Variants in PCNX1 observed in about 807,000 individuals in gnomAD.
The protein encoded by PCNX1 is pecanex 1.
PCNX1 carries 78 observed loss-of-function variants against 242.2 expected under a neutral mutation model. The ratio of observed to expected loss-of-function variants is 0.32; its 90% CI spans 0.27 to 0.39. PCNX1 has a LOEUF of 0.39. Among genes scored for constraint, PCNX1 ranks in the 10% least tolerant of loss-of-function variants. PCNX1 has a pLI of 1.00. For missense variants in PCNX1, 2,581 were observed against 2,856.5 expected (o/e 0.90, Z 2.20); for synonymous variants, 1,024 against 1,032.9 (o/e 0.99, Z 0.17).
Position 71,026,185 on chromosome 14 carries a change from C to G in PCNX1, c.3252C>G (p.Leu1084=). The G allele has an allele frequency of 6.8e-6, 11 of 1,611,288 alleles. No individual in the cohort carries two copies. The highest frequency in any genetic ancestry group is 9.3e-6 in the Non-Finnish European group (11 of 1,178,088). ...GCATATGTTGCGGTCTTATTTGGCT[C>G]TTGGATTATGGTAGCAGAAACCTGA... is the stretch of plus-strand genomic sequence containing the variant. ...YFCICCGLIW[L]LDYGSRNLTA... The change falls in exon 14 of 36, where the codon CTC becomes CTG. Residue 1084 remains leucine, a synonymous_variant. Transcript: ENST00000304743.
At chr14:70,926,769 T>C (rs550724399) in intron 1 of PCNX1, among the ~76,000 whole-genome samples, 5 of 152,304 alleles carry the variant, frequency 3.3e-5, no homozygotes, top group East Asian at 1.9e-4. Context: ...AAAAATCTTA[T>C]TCTTTTTACA....
intron 28 of PCNX1, among the ~76,000 whole-genome samples, chr14:71,081,458 C>T (rs965462428): frequency 5.9e-5 from 9 of 152,062 alleles, no homozygotes; most frequent in African/African-American, 9.7e-5. Context: ...AGCTCTTCTT[C>T]GTACCTCTGG....
At chr14:71,052,951 A>T (rs186359602) in intron 24 of PCNX1, among the ~76,000 whole-genome samples, 148 of 152,298 alleles carry the variant, frequency 9.7e-4, no homozygotes, top group Non-Finnish European at 1.6e-3. Flanking sequence ...ATATAAACAC[A>T]TTGGTTTAGA....
chr14:70,976,372 C>CTTTTTTTTT (rs869087088), intron 5 of PCNX1, among the ~76,000 whole-genome samples: 3 of 82,694 alleles, frequency 3.6e-5, no homozygotes, highest in Non-Finnish European at 7.7e-5. Context: ...TTCTTTCTTT[C>CTTTTTTTTT]TTTTTTTTTT....
chr14:71,007,047 A>G (rs2059688117), intron 8 of PCNX1, among the ~76,000 whole-genome samples: 1 of 152,196 alleles, frequency 6.6e-6, no homozygotes, highest in Non-Finnish European at 1.5e-5. Context: ...TGTTAAAATC[A>G]TAGCCTCTCT....
chr14:71,056,573 A>G (rs746577316), intron 25 of PCNX1, among the ~76,000 whole-genome samples: 4 of 152,196 alleles, frequency 2.6e-5, no homozygotes, highest in Admixed American at 6.5e-5. Context: ...CCATTCTCCA[A>G]TACTATGCTT....
chr14:70,922,252 A>G (rs2056407599), intron 1 of PCNX1, among the ~76,000 whole-genome samples: 1 of 152,166 alleles, frequency 6.6e-6, no homozygotes. Context: ...AAATAATACT[A>G]GTTGTAGAAA....
At chr14:70,937,471 C>G (rs1300962222) in intron 1 of PCNX1, among the ~76,000 whole-genome samples, 2 of 152,130 alleles carry the variant, frequency 1.3e-5, no homozygotes, top group South Asian at 2.1e-4. Context: ...TCTGAGGGCT[C>G]TGTTCTGTTC....
intron 1 of PCNX1, among the ~76,000 whole-genome samples, chr14:70,914,388 T>C (rs1190559760): frequency 6.6e-6 from 1 of 152,034 alleles, no homozygotes; most frequent in African/African-American, 2.4e-5. Flanking sequence ...TGTAGAAAAG[T>C]GTATTAATTT....
rs1260917842 is a variant in PCNX1, at chr14:71,114,741, A to G, written c.*4806A>G. ...TTATGATTCAGTGGAGCCAAGCTAG[A>G]AGGAACAAAGGTCATCTAACACTGT... On this transcript the variant is annotated 3_prime_UTR_variant, in exon 36 of 36. Transcript: ENST00000304743. The G allele has an allele frequency of 2.0e-5, 3 of 152,482 alleles. No homozygotes were observed. The highest frequency in any genetic ancestry group is 6.6e-5 in the Admixed American group (1 of 15,266). 9.4% of individuals were successfully genotyped at this position (152,482 alleles called of 1,614,324 possible).
chr14:71,017,675 A>G (rs2059995040), intron 11 of PCNX1, among the ~76,000 whole-genome samples: 1 of 152,246 alleles, frequency 6.6e-6, no homozygotes, highest in African/African-American at 2.4e-5. Context: ...GAAAATCCTT[A>G]AAAATCCAAA....
Position 70,968,205 on chromosome 14 carries a change from C to T in PCNX1, c.476C>T (p.Ser159Phe), listed in dbSNP as rs528717820. The T allele has an allele frequency of 2.5e-6, 4 of 1,612,232 alleles. No homozygotes were observed. The highest frequency in any genetic ancestry group is 1.7e-4 in the Middle Eastern group (1 of 6,042). Residue 159 changes from serine to phenylalanine, a missense_variant, in exon 4 of 36, where the codon TCT (serine) becomes TTT (phenylalanine). Physicochemically the swap from Ser to Phe is radical, Grantham distance 155 (BLOSUM62 -2). Coordinates refer to ENST00000304743, the MANE Select transcript of PCNX1 (RefSeq NM_014982.3). ...TTCATGTCACGTTTTCAGATTGGATCTGGTTCCTCGCGTCTTGGAACAGCA... is the reference window on the plus strand; with the variant it reads ...TTCATGTCACGTTTTCAGATTGGATTTGGTTCCTCGCGTCTTGGAACAGCA... ...AGLDPSNQIGSGSSRLGTAAT... is the reference protein window; with the variant it reads ...AGLDPSNQIGFGSSRLGTAAT...
At chr14:71,038,209 C>A (rs1201038926) in intron 19 of PCNX1, among the ~76,000 whole-genome samples, 25 of 67,866 alleles carry the variant, frequency 3.7e-4, no homozygotes, top group African/African-American at 7.2e-4. Flanking sequence ...GCAACAAAAG[C>A]CAAAATTGAC....
At position 71,073,785 on chromosome 14, in the gene PCNX1, C is replaced by G; in HGVS notation, c.5093C>G (p.Thr1698Ser). ...QVFDLRKVLT[T>S]YYVKGIIYYV... ...TTTGATCTTCGGAAAGTACTCACCA[C>G]TTACTATGTCAAGGTAGGAGTATGT... Residue 1698 changes from threonine (T) to serine (S), a missense_variant, in exon 27 of 36, where the codon ACT becomes AGT. Transcript: ENST00000304743. The G allele has an allele frequency of 6.2e-7, 1 of 1,601,392 alleles. No homozygotes were observed. The highest frequency in any genetic ancestry group is 8.5e-7 in the Non-Finnish European group (1 of 1,171,352).
intron 22 of PCNX1, chr14:71,049,254 G>C (rs921703526): frequency 5.6e-5 from 14 of 251,616 alleles, no homozygotes; most frequent in Admixed American, 1.3e-4. Flanking sequence ...AACTGTTTTA[G>C]AACTGTTCTA....
intron 2 of PCNX1, among the ~76,000 whole-genome samples, chr14:70,948,607 A>G (rs2057559332): frequency 6.6e-6 from 1 of 151,512 alleles, no homozygotes; most frequent in African/African-American, 2.4e-5. Flanking sequence ...ATGTGTATAT[A>G]TAGATGTGTA....
chr14:70,936,376 T>C (rs1307961820), intron 1 of PCNX1, among the ~76,000 whole-genome samples: 1 of 149,408 alleles, frequency 6.7e-6, no homozygotes, highest in Non-Finnish European at 1.5e-5. Context: ...TGAGAACATC[T>C]GGTGTTTGGT....
intron 6 of PCNX1, among the ~76,000 whole-genome samples, chr14:70,986,355 C>A (rs2059001959): frequency 6.6e-6 from 1 of 152,166 alleles, no homozygotes; most frequent in Non-Finnish European, 1.5e-5. Flanking sequence ...AAACTTTCCT[C>A]TTGATGTGTT....
intron 33 of PCNX1, among the ~76,000 whole-genome samples, chr14:71,107,890 G>A (rs1435738472): frequency 6.6e-6 from 1 of 152,166 alleles, no homozygotes; most frequent in African/African-American, 2.4e-5. Flanking sequence ...GTTTTGATAT[G>A]TGAATATATT....
Sources: gnomAD v4.1 joint callset for allele counts (sites outside exome capture counted in the v4.1 genomes callset) on GRCh38, gnomAD v4.1.1 for gene constraint, MANE v1.5 for transcripts, NCBI Gene and HGNC (gene_info 2026-07-23, HGNC 2026-07-21) for gene names.